Variants in IL17RC observed in about 807,000 individuals in gnomAD.
IL17RC encodes interleukin-17 receptor C.
In IL17RC, 53 loss-of-function variants were observed where a neutral mutation model predicts 86.7. The ratio of observed to expected loss-of-function variants is 0.61; its 90% CI spans 0.49 to 0.77. The LOEUF (loss-of-function observed/expected upper bound fraction) is 0.77, where lower values mean the gene tolerates loss of function less well. Among genes scored for constraint, IL17RC ranks in the 30% least tolerant of loss-of-function variants. IL17RC has a pLI of 0.00. For missense variants in IL17RC, 957 were observed against 940.0 expected (o/e 1.02, Z -0.24); for synonymous variants, 439 against 413.1 (o/e 1.06, Z -0.76).
chr3:9,919,544 G>A (rs2083377486), intron 5 of IL17RC, among the ~76,000 whole-genome samples: 1 of 152,096 alleles, frequency 6.6e-6, no homozygotes. Flanking sequence ...TACTCGGGAG[G>A]CAGAGGCAGG....
chr3:9,931,470 C>CACACATAT lies in IL17RC; in HGVS notation c.1387+528_1387+529insCACATATA, dbSNP rs750351615. Among the ~76,000 whole-genome samples, 84 of 43,702 alleles carry CACACATAT rather than the reference C, an allele frequency of 1.9e-3. No homozygotes were observed. The South Asian group carries it at 0.021, about 11-fold the overall frequency. 28.7% of individuals were successfully genotyped at this position (43,702 alleles called of 152,430 possible). On this transcript the variant is annotated intron_variant, in intron 16 of 18. Transcript: ENST00000403601. ...TATATATTTCACACACACACACACA[C>CACACATAT]ATATATATATATATATATATATATA...
At chr3:9,931,541 C>G (rs2084698933) in intron 16 of IL17RC, among the ~76,000 whole-genome samples, 1 of 150,162 alleles carries the variant, frequency 6.7e-6, no homozygotes, top group South Asian at 2.1e-4. Context: ...GAGTCTCACT[C>G]TGTTGCCCAG....
rs773688170 is a variant in IL17RC, at chr3:9,917,369, C to T, written c.54C>T (p.Val18=). ...LSLALGRSPV[V]LSLERLVGPQ... is the part of the protein sequence containing the mutation. The stretch of plus-strand genomic sequence containing the variant: ...TGGCACTGGGCCGAAGCCCAGTGGT[C>T]CTTTCTCTGGAGAGGCTTGTGGGGC... The change falls in exon 1 of 19, where the codon GTC becomes GTT. Residue 18 remains valine (V), a synonymous_variant. Coordinates refer to ENST00000403601, the MANE Select transcript of IL17RC (RefSeq NM_153460.4). 1.9e-6 allele frequency: 3 copies of T among 1,614,016 alleles called. No individual in the cohort carries two copies. Among genetic ancestry groups the T allele is most frequent in the East Asian group, 2.2e-5 (1 of 44,886 alleles).
chr3:9,929,780 G>A, intron 12 of IL17RC, 72 bp from the exon 13 acceptor site: 4 of 1,552,264 alleles, frequency 2.6e-6, no homozygotes, highest in South Asian at 1.1e-5. Flanking sequence ...TCTGTTGCCT[G>A]CCCCATTCTG....
intron 9 of IL17RC, 25 bp from the exon 10 acceptor site, chr3:9,928,141 G>A: frequency 6.2e-7 from 1 of 1,613,474 alleles, no homozygotes; most frequent in Non-Finnish European, 8.5e-7. Context: ...GAGGGGACCT[G>A]AGCAGACCCC....
chr3:9,927,679 G>A (rs184485543), intron 9 of IL17RC, among the ~76,000 whole-genome samples: 299 of 152,022 alleles, frequency 2.0e-3, no homozygotes, highest in Middle Eastern at 6.8e-3. Context: ...GGTGGCTCAC[G>A]CTTGTAATCC....
rs910473955 is a variant in IL17RC at position 9,917,313 on chromosome 3, A to G, written c.-3A>G. On this transcript the variant is annotated 5_prime_UTR_variant, in exon 1 of 19. Coordinates refer to ENST00000403601, the MANE Select transcript of IL17RC (RefSeq NM_153460.4). ...GGCCTGGGTGCCACCTGGCACCTAGAAGATGCCTGTGCCCTGGTTCTTGCT... is the reference window on the plus strand; with the variant it reads ...GGCCTGGGTGCCACCTGGCACCTAGGAGATGCCTGTGCCCTGGTTCTTGCT... 6.2e-7 allele frequency: 1 copy of G among 1,610,554 alleles called. No homozygotes were observed. Among genetic ancestry groups the G allele is most frequent in the Non-Finnish European group, 8.5e-7 (1 of 1,177,704 alleles).
At position 9,930,934 on chromosome 3, in the gene IL17RC, A is replaced by G. The variant is rs745434432; in HGVS notation, c.1378A>G (p.Met460Val). 6.2e-7 allele frequency: 1 copy of G among 1,613,844 alleles called. No homozygotes were observed. Among genetic ancestry groups the G allele is most frequent in the South Asian group, 1.1e-5 (1 of 91,070 alleles). The part of the protein sequence containing the change: ...DDLGALWACP[M>V]DKYIHKRWAL... Reference sequence around the variant, plus strand: ...CTTGGGAGCGCTATGGGCCTGCCCCATGGACAAATGTGAGTATTGTAAGAA... The same window carrying G: ...CTTGGGAGCGCTATGGGCCTGCCCCGTGGACAAATGTGAGTATTGTAAGAA... Residue 460 changes from methionine to valine, a missense_variant, in exon 16 of 19, where the codon ATG (methionine) becomes GTG (valine). Met to Val is a conservative substitution (Grantham distance 21, BLOSUM62 1). Coordinates refer to ENST00000403601, the MANE Select transcript of IL17RC (RefSeq NM_153460.4). The surrounding 1 kb of genome is among the most constrained non-coding windows in gnomAD (Gnocchi z 5.8).
At chr3:9,924,755 T>G (rs985069313) in intron 9 of IL17RC, among the ~76,000 whole-genome samples, 1 of 152,216 alleles carries the variant, frequency 6.6e-6, no homozygotes, top group African/African-American at 2.4e-5. Flanking sequence ...TATAAGAATG[T>G]GTGCCACACC....
chr3:9,924,968 GT>G (rs1217433449), intron 9 of IL17RC, among the ~76,000 whole-genome samples: 3 of 151,094 alleles, frequency 2.0e-5, no homozygotes, highest in Admixed American at 1.3e-4. Flanking sequence ...TACTCAGCTA[GT>G]TTTTTTTTGT....
rs775329755 is a variant in IL17RC at position 9,928,639 on chromosome 3, G to A, written c.1110+9G>A. 4.4e-5 allele frequency: 71 copies of A among 1,613,520 alleles called. No homozygotes were observed. The South Asian group carries it at 7.7e-4, about 17-fold the overall frequency. ...CTAACCTCTGTGTTCAGGTCAGAAA[G>A]GGGTGCATAGTGCTGGGCTGGAGGC... On this transcript the variant is annotated intron_variant, in intron 12 of 18. Transcript: ENST00000403601.
At position 9,933,114 on chromosome 3, in the gene IL17RC, T is replaced by C; in HGVS notation, c.1684T>C (p.Trp562Arg). 1.3e-6 allele frequency: 2 copies of C among 1,582,972 alleles called. No homozygotes were observed. Among genetic ancestry groups the C allele is most frequent in the Non-Finnish European group, 1.7e-6 (2 of 1,169,544 alleles). Residue 562 changes from tryptophan (W) to arginine (R), a missense_variant, in exon 19 of 19, where the codon TGG (tryptophan) becomes CGG (arginine). Transcript: ENST00000403601. ...ACTGAGCGCGCAGGGGCCCGTGGCTTGGTTTCACGCGCAGCGGCGCCAGAC... is the reference window on the plus strand; with the variant it reads ...ACTGAGCGCGCAGGGGCCCGTGGCTCGGTTTCACGCGCAGCGGCGCCAGAC... ...RELSAQGPVA[W>R]FHAQRRQTLQ...
chr3:9,925,321 T>A (rs1489879566), intron 9 of IL17RC, among the ~76,000 whole-genome samples: 1 of 151,900 alleles, frequency 6.6e-6, no homozygotes, highest in Non-Finnish European at 1.5e-5. Context: ...TTTCACCGTG[T>A]TAGCCAGGAT....
intron 7 of IL17RC, among the ~76,000 whole-genome samples, chr3:9,923,241 C>G (rs989258143): frequency 6.8e-6 from 1 of 146,488 alleles, no homozygotes; most frequent in African/African-American, 2.5e-5. Flanking sequence ...AACTCTGCAG[C>G]AGAGTTATTA....
chr3:9,919,925 G>A (rs1347851286), intron 5 of IL17RC, among the ~76,000 whole-genome samples: 1 of 151,964 alleles, frequency 6.6e-6, no homozygotes, highest in African/African-American at 2.4e-5. Context: ...ACTTACCATG[G>A]TGTAAGTACC....
chr3:9,931,669 G>A (rs2084716094), intron 16 of IL17RC, among the ~76,000 whole-genome samples: 1 of 151,436 alleles, frequency 6.6e-6, no homozygotes, highest in Non-Finnish European at 1.5e-5. Flanking sequence ...ACCATGCCCT[G>A]CTAATTTTTG....
At chr3:9,917,524 C>T in intron 1 of IL17RC, 104 bp downstream of exon 1, 1 of 1,613,070 alleles carries the variant, frequency 6.2e-7, no homozygotes, top group Non-Finnish European at 8.5e-7. Context: ...GCCAGAACTG[C>T]CCTGTCTGGT....
In IL17RC at chr3:9,920,697, G is replaced by A. The variant is rs549628514; in HGVS notation, c.577+95G>A. On this transcript the variant is annotated intron_variant, in intron 6 of 18. Coordinates refer to ENST00000403601, the MANE Select transcript of IL17RC (RefSeq NM_153460.4). Reference sequence around the variant, plus strand: ...CCTCTTCTAGCTCCATCCACTCTCCGGCAGGGGTCTGAGCTGCTATCCTCC... The same window carrying A: ...CCTCTTCTAGCTCCATCCACTCTCCAGCAGGGGTCTGAGCTGCTATCCTCC... 1.4e-4 allele frequency: 124 copies of A among 902,320 alleles called. 2 individuals are homozygous for A. The South Asian group carries it at 1.5e-3, about 11-fold the overall frequency. The allele number at this position is 902,320 out of a possible 1,614,324, so 55.9% of individuals were successfully genotyped here. A position where few individuals can be genotyped will look rare whatever the true frequency, so the allele number is the denominator to read the frequency against.
intron 9 of IL17RC, among the ~76,000 whole-genome samples, chr3:9,926,729 T>A (rs1171086352): frequency 6.6e-6 from 1 of 152,080 alleles, no homozygotes; most frequent in East Asian, 1.9e-4. Context: ...TTCAAGCAAT[T>A]CTTCTGCCTC....
Sources: gnomAD v4.1 joint callset for allele counts (sites outside exome capture counted in the v4.1 genomes callset) on GRCh38, gnomAD v4.1.1 for gene constraint, Gnocchi (gnomAD v3.1) non-coding constraint, MANE v1.5 for transcripts, NCBI Gene and HGNC (gene_info 2026-07-23, HGNC 2026-07-21) for gene names.